The following GLMN variants were observed in gnomAD, a reference collection of about 807,000 sequenced individuals.
GLMN encodes glomulin, FKBP associated protein, also known as glomulin.
GLMN carries 75 observed loss-of-function variants against 87.8 expected under a neutral mutation model. The ratio of observed to expected loss-of-function variants is 0.85; its 90% CI spans 0.71 to 1.04. The LOEUF is 1.04. Among genes scored for constraint, GLMN ranks in the 50% least tolerant of loss-of-function variants. GLMN has a pLI of 0.00. For missense variants in GLMN, 588 were observed against 658.8 expected, an observed-to-expected ratio of 0.89 and a Z score of 1.18; for synonymous variants, 206 against 221.6, an observed-to-expected ratio of 0.93 and a Z score of 0.63.
the GLMN span, chr1:92,320,698 AC>A: frequency 1.5e-6 from 2 of 1,327,930 alleles, no homozygotes; most frequent in Non-Finnish European, 2.1e-6. Flanking sequence ...TTAGGAGTGA[AC>A]CAGGTGATAT....
In GLMN at chr1:92,267,945, A is replaced by C. The variant is rs772591484; in HGVS notation, c.1066T>G (p.Leu356Val). 4.5e-6 allele frequency: 7 copies of C among 1,543,230 alleles called. No homozygotes were observed. In the South Asian group the frequency reaches 6.7e-5, roughly 15 times the overall value. Residue 356 changes from leucine (L) to valine (V), a missense_variant, in exon 11 of 19, where the codon TTA becomes GTA. Leu to Val is a conservative substitution (Grantham distance 32). Coordinates refer to ENST00000370360, the MANE Select transcript of GLMN (RefSeq NM_053274.3). ...IEDNSLLYQY[L>V]EIKSFLTVPQ... ...ACAGTAAGAAAACTCTTGATTTCTA[A>C]GTACTGGTAAAGTAGACTATTGTCT...
the GLMN span, among the ~76,000 whole-genome samples, chr1:92,304,697 A>C: frequency 6.6e-6 from 1 of 152,238 alleles, no homozygotes; most frequent in African/African-American, 2.4e-5. Context: ...ATTGTAGATC[A>C]GTAGAGAAAG....
chr1:92,345,292 G>A, the GLMN span, among the ~76,000 whole-genome samples: 12 of 149,446 alleles, frequency 8.0e-5, no homozygotes, highest in African/African-American at 3.0e-4. Flanking sequence ...CTTGAGCCCA[G>A]GAATTCAAGG....
At chr1:92,253,427 G>A (rs1653798050) in intron 16 of GLMN, among the ~76,000 whole-genome samples, 1 of 152,252 alleles carries the variant, frequency 6.6e-6, no homozygotes, top group Non-Finnish European at 1.5e-5. Flanking sequence ...CTAAGGGACA[G>A]ACTGCTTCCT....
At chr1:92,332,678 T>C in the GLMN span, among the ~76,000 whole-genome samples, 2 of 152,170 alleles carry the variant, frequency 1.3e-5, no homozygotes, top group Non-Finnish European at 2.9e-5. Context: ...TTTCCTATTC[T>C]TACTGTTATT....
chr1:92,360,934 T>C, the GLMN span, among the ~76,000 whole-genome samples: 3 of 152,212 alleles, frequency 2.0e-5, no homozygotes, highest in African/African-American at 7.2e-5. Flanking sequence ...TGAGCTTGAG[T>C]TGTACAGCCA....
chr1:92,341,801 C>T, the GLMN span, among the ~76,000 whole-genome samples: 1 of 152,266 alleles, frequency 6.6e-6, no homozygotes, highest in Non-Finnish European at 1.5e-5. Flanking sequence ...TGCGCCACCA[C>T]ACCCAGCTAA....
the GLMN span, among the ~76,000 whole-genome samples, chr1:92,316,561 C>T: frequency 5.9e-5 from 9 of 152,082 alleles, no homozygotes; most frequent in African/African-American, 2.2e-4. Flanking sequence ...CTAATTTATA[C>T]CTTAGTGAAA....
upstream of GLMN, chr1:92,299,255 G>A (rs1030948024): frequency 2.5e-5 from 14 of 557,342 alleles, no homozygotes; most frequent in East Asian, 4.5e-4. Context: ...CAGGGGAGGG[G>A]TTCTCCCAGG....
chr1:92,255,949 CA>C (rs577876307), intron 16 of GLMN, among the ~76,000 whole-genome samples: 4 of 151,784 alleles, frequency 2.6e-5, no homozygotes, highest in African/African-American at 4.8e-5. Flanking sequence ...AAAAACCCTT[CA>C]AAAAAAATCA....
At chr1:92,252,725 CAAAGAA>C (rs1653686311) in intron 16 of GLMN, among the ~76,000 whole-genome samples, 1 of 152,074 alleles carries the variant, frequency 6.6e-6, no homozygotes, top group African/African-American at 2.4e-5. Flanking sequence ...ATAAATACTA[CAAAGAA>C]AATCACATTT....
intron 16 of GLMN, among the ~76,000 whole-genome samples, chr1:92,259,069 A>T (rs1654654920): frequency 6.6e-6 from 1 of 152,170 alleles, no homozygotes; most frequent in African/African-American, 2.4e-5. Flanking sequence ...TTGCCATCTC[A>T]TTGTTTCCCT....
chr1:92,338,120 G>A, the GLMN span, among the ~76,000 whole-genome samples: 1 of 152,108 alleles, frequency 6.6e-6, no homozygotes, highest in Non-Finnish European at 1.5e-5. Context: ...TCAGTTGGCT[G>A]ATAAAACAAG....
chr1:92,295,705 T>C (rs1392099664), intron 3 of GLMN, among the ~76,000 whole-genome samples: 1 of 152,152 alleles, frequency 6.6e-6, no homozygotes, highest in Non-Finnish European at 1.5e-5. Context: ...GCTACACAGG[T>C]CTGAATCTTG....
At chr1:92,300,466 A>T (rs1252206445), upstream of GLMN, among the ~76,000 whole-genome samples, 1 of 152,144 alleles carries the variant, frequency 6.6e-6, no homozygotes, top group Admixed American at 6.5e-5. Flanking sequence ...TGAAGGAATG[A>T]GTGTCTGTAG....
Position 92,286,511 on chromosome 1 carries a change from C to T in GLMN, c.714G>A (p.Arg238=). ...TTACTATTATTTCTGATGCAAAATA[C>T]CTGAAAGGATCATTTCCACCTTCTT... The part of the protein sequence containing the change: ...QSEEGGNDPF[R]YFASEIIGFL... Residue 238 remains arginine, a synonymous_variant, in exon 7 of 19, where the codon AGG becomes AGA. Transcript: ENST00000370360. 6.4e-7 allele frequency: 1 copy of T among 1,565,414 alleles called. No homozygotes were observed. Among genetic ancestry groups the T allele is most frequent in the African/African-American group, 1.3e-5 (1 of 74,080 alleles).
At chr1:92,312,176 C>T in the GLMN span, among the ~76,000 whole-genome samples, 1 of 152,144 alleles carries the variant, frequency 6.6e-6, no homozygotes, top group Admixed American at 6.5e-5. Flanking sequence ...TGTTGCGGGG[C>T]AAGGCAGGAG....
At position 92,266,437 on chromosome 1, in the gene GLMN, C is replaced by A. The variant is rs1163666760; in HGVS notation, c.1196G>T (p.Gly399Val). ...QLYINKLDSQ[G>V]KYTLFRCLLN... ...TACATACCTAAATAATGTATATTTG[C>A]CTTGTGAATCCAACTTGTTAATATA... is the stretch of plus-strand genomic sequence containing the variant. The change falls in exon 13 of 19, where the codon GGC (glycine) becomes GTC (valine). Residue 399 changes from glycine to valine, a missense_variant. Physicochemically the swap from Gly to Val is moderately radical, Grantham distance 109 (BLOSUM62 -3). Transcript: ENST00000370360. 6.4e-7 allele frequency: 1 copy of A among 1,555,564 alleles called. No individual in the cohort carries two copies. The highest frequency in any genetic ancestry group is 1.7e-5 in the Admixed American group (1 of 59,750).
the GLMN span, chr1:92,307,156 G>GA: frequency 4.0e-5 from 59 of 1,479,540 alleles, no homozygotes; most frequent in Admixed American, 5.3e-5. Context: ...TTCATGATAA[G>GA]AAAAAAACTA....
Sources: gnomAD v4.1 joint callset for allele counts (sites outside exome capture counted in the v4.1 genomes callset) on GRCh38, gnomAD v4.1.1 for gene constraint, MANE v1.5 for transcripts, NCBI Gene and HGNC (gene_info 2026-07-23, HGNC 2026-07-21) for gene names.